Variants in HSF4 observed in about 807,000 individuals in gnomAD.
The protein encoded by HSF4 is heat shock transcription factor 4.
Under a neutral mutation model 52.0 loss-of-function variants are expected in HSF4, and 41 were observed. The observed-to-expected ratio is 0.79, with a 90% CI of 0.61 to 1.02. The LOEUF (loss-of-function observed/expected upper bound fraction) is 1.02, where lower values mean the gene tolerates loss of function less well. Ranked by LOEUF, HSF4 falls within the 50% of genes least tolerant of loss-of-function variation. The pLI is 0.00. For missense variants in HSF4, 610 were observed against 651.1 expected (o/e 0.94, Z 0.69); for synonymous variants, 285 against 273.0 (o/e 1.04, Z -0.43).
intron 9 of HSF4, 85 bp downstream of exon 9, chr16:67,168,032 T>C (rs2031434320): frequency 2.7e-6 from 3 of 1,096,490 alleles, no homozygotes; most frequent in Non-Finnish European, 4.0e-6. Flanking sequence ...TTTGACTCCA[T>C]GATACTCACC....
intron 9 of HSF4, among the ~76,000 whole-genome samples, chr16:67,168,524 AGAAAG>A (rs2031471674): frequency 1.3e-5 from 2 of 151,608 alleles, no homozygotes; most frequent in South Asian, 4.2e-4. Context: ...GAAAGAAAAA[AGAAAG>A]GAAGAAAGAA....
chr16:67,165,377 G>T lies in HSF4; in HGVS notation c.124-145G>T. 1 of 772,800 alleles carries T rather than the reference G, an allele frequency of 1.3e-6. No individual in the cohort carries two copies. The highest frequency in any genetic ancestry group is 2.6e-5 in the East Asian group (1 of 38,128). 47.9% of individuals were successfully genotyped at this position (772,800 alleles called of 1,614,324 possible). ...TCGGAGCCCGTTCTGGCCTGGCCTCGACCCATATCCCCGTAAGCGGCAGGC... is the reference window on the plus strand; with the variant it reads ...TCGGAGCCCGTTCTGGCCTGGCCTCTACCCATATCCCCGTAAGCGGCAGGC... On this transcript the variant is annotated intron_variant, in intron 1 of 12. Coordinates refer to ENST00000521374, the MANE Select transcript of HSF4 (RefSeq NM_001374675.1). The surrounding 1 kb of genome is among the most constrained non-coding windows in gnomAD (Gnocchi z 6.9).
At chr16:67,164,053 C>A (rs1443811086), upstream of HSF4, 1 of 711,580 alleles carries the variant, frequency 1.4e-6, no homozygotes, top group Non-Finnish European at 2.5e-6. Flanking sequence ...CACACTGCCC[C>A]CCTCTCTTGC....
At chr16:67,164,192 A>C, upstream of HSF4, 1 of 499,362 alleles carries the variant, frequency 2.0e-6, no homozygotes. Flanking sequence ...GTCCTATTAA[A>C]GGCGGGGTCG....
Position 67,168,858 on chromosome 16 carries a change from C to T in HSF4, c.1110C>T (p.Asp370=). ...DRGPLGLESG[D]RSPESLLPPM... Reference sequence around the variant, plus strand: ...GGCCTCTGGGCCTGGAAAGCGGGGACAGGAGCCCAGAGAGTCTGCTGCCTC... The same window carrying T: ...GGCCTCTGGGCCTGGAAAGCGGGGATAGGAGCCCAGAGAGTCTGCTGCCTC... The change falls in exon 10 of 13, where the codon GAC becomes GAT. Residue 370 remains aspartate (D), a synonymous_variant. Transcript: ENST00000521374. The T allele has an allele frequency of 6.2e-7, 1 of 1,613,958 alleles. No individual in the cohort carries two copies. The highest frequency in any genetic ancestry group is 8.5e-7 in the Non-Finnish European group (1 of 1,180,030).
At position 67,167,940 on chromosome 16, in the gene HSF4, C is replaced by T. The variant is rs886052216; in HGVS notation, c.1075C>T (p.Pro359Ser). 2.5e-6 allele frequency: 4 copies of T among 1,591,572 alleles called. No individual in the cohort carries two copies. The East Asian group carries it at 9.0e-5, about 36-fold the overall frequency. The change falls in exon 9 of 13, where the codon CCT (proline) becomes TCT (serine). Residue 359 changes from proline to serine, a missense_variant. Coordinates refer to ENST00000521374, the MANE Select transcript of HSF4 (RefSeq NM_001374675.1). ...TGAACCAGGGGATCCCAGGGAGATA[C>T]CTGACAGGTGAGCAGAGCCCCAGCT... ...QPEPGDPREIPDRGPLGLESG... is the reference protein window; with the variant it reads ...QPEPGDPREISDRGPLGLESG...
chr16:67,169,720 AT>A lies in HSF4; in HGVS notation c.1417del (p.Tyr473IlefsTer26). The part of the protein sequence containing the change: ...PALGLPGALT[I>X]YSTPESRTAS... ...CCTGGGCCTGCCTGGGGCTTTAACC[AT>A]TTATAGCACTCCTGAGAGCCGGACT... is the stretch of plus-strand genomic sequence containing the variant. On this transcript the variant is annotated frameshift_variant, in exon 13 of 13. Coordinates refer to ENST00000521374, the MANE Select transcript of HSF4 (RefSeq NM_001374675.1). LOFTEE classifies it high-confidence loss of function. The surrounding 1 kb of genome is among the most constrained non-coding windows in gnomAD (Gnocchi z 4.3). 2 of 1,612,998 alleles carry A rather than the reference AT, an allele frequency of 1.2e-6. No homozygotes were observed. Among genetic ancestry groups the A allele is most frequent in the Non-Finnish European group, 1.7e-6 (2 of 1,179,958 alleles).
chr16:67,169,352 A>G lies in HSF4; in HGVS notation c.1324+4A>G, dbSNP rs371333597. ...GGGTTAAATTCTCCAAGCCCAGGTA[A>G]TGGTTGTGATGACTCCTACCTGGGA... On this transcript the variant is annotated splice_donor_region_variant and intron_variant, in intron 12 of 12. Coordinates refer to ENST00000521374, the MANE Select transcript of HSF4 (RefSeq NM_001374675.1). The surrounding 1 kb of genome is among the most constrained non-coding windows in gnomAD (Gnocchi z 4.3). The G allele has an allele frequency of 9.3e-6, 15 of 1,612,170 alleles. No individual in the cohort carries two copies. The African/African-American group carries it at 1.9e-4, about 20-fold the overall frequency.
intron 9 of HSF4, 113 bp downstream of exon 9, chr16:67,168,060 C>T (rs1008528396): frequency 1.1e-6 from 1 of 911,926 alleles, no homozygotes; most frequent in Non-Finnish European, 1.7e-6. Context: ...TTGGCCCCAG[C>T]ATCAGAGTTC....
rs772083437 is a variant in HSF4 at position 67,169,250 on chromosome 16, C to T, written c.1255-29C>T. On this transcript the variant is annotated intron_variant, in intron 11 of 12. Coordinates refer to ENST00000521374, the MANE Select transcript of HSF4 (RefSeq NM_001374675.1). The surrounding 1 kb of genome is among the most constrained non-coding windows in gnomAD (Gnocchi z 4.3). Reference sequence around the variant, plus strand: ...TCCCCCTCAGCTGCTAGGTCCCCTCCCCAGCTGCTCCCTGCGGTTCTCACG... The same window carrying T: ...TCCCCCTCAGCTGCTAGGTCCCCTCTCCAGCTGCTCCCTGCGGTTCTCACG... 4.3e-6 allele frequency: 7 copies of T among 1,612,612 alleles called. No individual in the cohort carries two copies. In the East Asian group the frequency reaches 1.6e-4, roughly 36 times the overall value.
Position 67,165,715 on chromosome 16 carries a change from C to G in HSF4, c.233-4C>G, listed in dbSNP as rs754385224. On this transcript the variant is annotated splice_region_variant and splice_polypyrimidine_tract_variant and intron_variant, in intron 2 of 12. Coordinates refer to ENST00000521374, the MANE Select transcript of HSF4 (RefSeq NM_001374675.1). This position sits in a 1 kb window ranked among gnomAD's most constrained non-coding sequence, Gnocchi z 6.9. ...GACCCACGCCCCCACGCCCCACTCC[C>G]CAGACGGTTTTCGGAAGGTGGTGAG... 1.2e-6 allele frequency: 2 copies of G among 1,612,102 alleles called. No individual in the cohort carries two copies. The highest frequency in any genetic ancestry group is 1.7e-6 in the Non-Finnish European group (2 of 1,179,818).
At chr16:67,166,105 T>TGG in intron 4 of HSF4, 35 bp downstream of exon 4, 1 of 560,322 alleles carries the variant, frequency 1.8e-6, no homozygotes, top group Non-Finnish European at 2.9e-6. Flanking sequence ...GGGACAGGGG[T>TGG]GGGGGGTTCG....
Position 67,165,557 on chromosome 16 carries a change from T to C in HSF4, c.159T>C (p.Arg53=), listed in dbSNP as rs766522774. 2 of 1,613,124 alleles carry C rather than the reference T, an allele frequency of 1.2e-6. No homozygotes were observed. The highest frequency in any genetic ancestry group is 1.3e-5 in the African/African-American group (1 of 75,020). The change falls in exon 2 of 13, where the codon CGT becomes CGC. Residue 53 remains arginine (R), a synonymous_variant. Transcript: ENST00000521374. The surrounding 1 kb of genome is among the most constrained non-coding windows in gnomAD (Gnocchi z 6.9). ...GTTTCCTCGTAAGCGACCAGAGCCGTTTCGCCAAGGAAGTGCTGCCCCAGT... is the reference window on the plus strand; with the variant it reads ...GTTTCCTCGTAAGCGACCAGAGCCGCTTCGCCAAGGAAGTGCTGCCCCAGT... The part of the protein sequence containing the change: ...GTSFLVSDQS[R]FAKEVLPQYF...
rs750363722 is a variant in HSF4 at position 67,168,863 on chromosome 16, GC to G, written c.1118del (p.Pro373GlnfsTer23). The G allele has an allele frequency of 2.5e-6, 4 of 1,613,964 alleles. No individual in the cohort carries two copies. The highest frequency in any genetic ancestry group is 2.5e-6 in the Non-Finnish European group (3 of 1,180,036). On this transcript the variant is annotated frameshift_variant, in exon 10 of 13. Coordinates refer to ENST00000521374, the MANE Select transcript of HSF4 (RefSeq NM_001374675.1). LOFTEE classifies it high-confidence loss of function. ...CTGGGCCTGGAAAGCGGGGACAGGA[GC>G]CCAGAGAGTCTGCTGCCTCCGATGC... The part of the protein sequence containing the change: ...GPLGLESGDR[S>X]PESLLPPMLL...
chr16:67,167,893 G>T lies in HSF4; in HGVS notation c.1028G>T (p.Gly343Val). The T allele has an allele frequency of 6.2e-7, 1 of 1,606,104 alleles. No individual in the cohort carries two copies. Among genetic ancestry groups the T allele is most frequent in the East Asian group, 2.2e-5 (1 of 44,718 alleles). ...LEGKGSFSPEGPRNAQQPEPG... is the reference protein window; with the variant it reads ...LEGKGSFSPEVPRNAQQPEPG... ...GGGAAAGGGAGCTTCAGCCCCGAGG[G>T]GCCCAGGAATGCCCAACAGCCTGAA... is the stretch of plus-strand genomic sequence containing the variant. The change falls in exon 9 of 13, where the codon GGG becomes GTG. Residue 343 changes from glycine (G) to valine (V), a missense_variant. Coordinates refer to ENST00000521374, the MANE Select transcript of HSF4 (RefSeq NM_001374675.1).
chr16:67,167,993 C>A, intron 9 of HSF4, 46 bp downstream of exon 9: 1 of 1,414,454 alleles, frequency 7.1e-7, no homozygotes, highest in South Asian at 1.2e-5. Context: ...ATAGAACAGC[C>A]CTTACCAGCC....
In HSF4 at chr16:67,164,893, G is replaced by A; in HGVS notation, c.82G>A (p.Val28Met). 1 of 1,608,172 alleles carries A rather than the reference G, an allele frequency of 6.2e-7. No individual in the cohort carries two copies. Among genetic ancestry groups the A allele is most frequent in the Non-Finnish European group, 8.5e-7 (1 of 1,179,146 alleles). Reference sequence around the variant, plus strand: ...CTTCCTCGGCAAGCTATGGGCGCTGGTGGGGGACCCAGGCACAGACCACCT... The same window carrying A: ...CTTCCTCGGCAAGCTATGGGCGCTGATGGGGGACCCAGGCACAGACCACCT... ...PAFLGKLWALVGDPGTDHLIR... is the reference protein window; with the variant it reads ...PAFLGKLWALMGDPGTDHLIR... The change falls in exon 1 of 13, where the codon GTG becomes ATG. Residue 28 changes from valine to methionine, a missense_variant. Physicochemically the swap from Val to Met is conservative, Grantham distance 21. Transcript: ENST00000521374.
At chr16:67,164,645 C>T, upstream of HSF4, 2 of 630,246 alleles carry the variant, frequency 3.2e-6, no homozygotes, top group Non-Finnish European at 5.0e-6. Flanking sequence ...CTGCTGGTGC[C>T]TCGGCCGCTG....
Position 67,169,361 on chromosome 16 carries a change from A to T in HSF4, c.1324+13A>T. On this transcript the variant is annotated intron_variant, in intron 12 of 12. Coordinates refer to ENST00000521374, the MANE Select transcript of HSF4 (RefSeq NM_001374675.1). The surrounding 1 kb of genome is among the most constrained non-coding windows in gnomAD (Gnocchi z 4.3). ...TCTCCAAGCCCAGGTAATGGTTGTG[A>T]TGACTCCTACCTGGGAGGACGCCGT... The T allele has an allele frequency of 6.2e-7, 1 of 1,611,282 alleles. No homozygotes were observed. Among genetic ancestry groups the T allele is most frequent in the East Asian group, 2.2e-5 (1 of 44,798 alleles).
Sources: gnomAD v4.1 joint callset for allele counts (sites outside exome capture counted in the v4.1 genomes callset) on GRCh38, gnomAD v4.1.1 for gene constraint, Gnocchi (gnomAD v3.1) non-coding constraint, MANE v1.5 for transcripts, NCBI Gene and HGNC (gene_info 2026-07-23, HGNC 2026-07-21) for gene names.